Variants in PALLD observed in about 807,000 individuals in gnomAD.
The protein encoded by PALLD is palladin.
In PALLD, 61 loss-of-function variants were observed where a neutral mutation model predicts 123.5. That is an observed-to-expected ratio of 0.49 (90% CI 0.40 to 0.61). The LOEUF (loss-of-function observed/expected upper bound fraction) is 0.61, where lower values mean the gene tolerates loss of function less well. PALLD is among the 20% of genes least tolerant of loss of function. PALLD has a pLI of 0.00. For synonymous variants in PALLD, 465 were observed against 496.4 expected (o/e 0.94, Z 0.84); for missense variants, 1,273 against 1,377.0 (o/e 0.92, Z 1.20).
At chr4:168,513,854 C>A (rs75791552) in intron 2 of PALLD, among the ~76,000 whole-genome samples, 27,491 of 152,070 alleles carry the variant, frequency 0.18, 2,984 homozygotes, top group East Asian at 0.41. Flanking sequence ...CCTGTAATTC[C>A]AGCACTTTGG....
intron 2 of PALLD, among the ~76,000 whole-genome samples, chr4:168,605,672 T>C (rs1486280788): frequency 6.6e-6 from 1 of 152,206 alleles, no homozygotes; most frequent in Non-Finnish European, 1.5e-5. Context: ...GCTTGGTGCA[T>C]CTGCGGACCA....
chr4:168,639,608 A>G (rs1485863988), intron 2 of PALLD, among the ~76,000 whole-genome samples: 1 of 144,884 alleles, frequency 6.9e-6, no homozygotes, highest in Non-Finnish European at 1.5e-5. Context: ...CAGTGGTGTG[A>G]TCTTGGCTCA....
chr4:168,670,754 A>G (rs1780150989), intron 3 of PALLD, among the ~76,000 whole-genome samples: 1 of 99,714 alleles, frequency 1.0e-5, no homozygotes, highest in African/African-American at 5.4e-5. Flanking sequence ...AAACAAAAAA[A>G]ACAAAAAAAA....
At chr4:168,846,672 T>C (rs1746900388) in intron 10 of PALLD, among the ~76,000 whole-genome samples, 3 of 152,142 alleles carry the variant, frequency 2.0e-5, no homozygotes, top group African/African-American at 7.2e-5. Context: ...TACATGTAAA[T>C]CACAGTCTAC....
At chr4:168,628,330 C>T (rs1260113552) in intron 2 of PALLD, among the ~76,000 whole-genome samples, 1 of 152,196 alleles carries the variant, frequency 6.6e-6, no homozygotes, top group Non-Finnish European at 1.5e-5. Context: ...CGTGTCCGTC[C>T]TCTTCTCAAG....
In PALLD at chr4:168,605,825, A is replaced by G. The variant is rs989022429; in HGVS notation, c.909-62365A>G. 2.6e-5 allele frequency among the ~76,000 whole-genome samples: 4 copies of G among 152,392 alleles called. No individual in the cohort carries two copies. The East Asian group carries it at 7.7e-4, about 29-fold the overall frequency. ...GTAAGTAGTGTAAAAGATATTATAT[A>G]TTGAAGGAATTCTTGCCACCAGAAG... On this transcript the variant is annotated intron_variant, in intron 2 of 21. Transcript: ENST00000505667.
At chr4:168,921,783 AT>A in intron 18 of PALLD, 42 bp downstream of exon 18, 1 of 1,430,060 alleles carries the variant, frequency 7.0e-7, no homozygotes, top group Non-Finnish European at 9.9e-7. Context: ...CAGAATGAAC[AT>A]CAGACTTACA....
At chr4:168,614,337 G>A (rs1300498261) in intron 2 of PALLD, among the ~76,000 whole-genome samples, 1 of 152,182 alleles carries the variant, frequency 6.6e-6, no homozygotes, top group Admixed American at 6.5e-5. Context: ...GCTGCGCTAG[G>A]GAGACCCTTG....
At chr4:168,579,267 C>T (rs906964144) in intron 2 of PALLD, among the ~76,000 whole-genome samples, 1 of 152,074 alleles carries the variant, frequency 6.6e-6, no homozygotes, top group African/African-American at 2.4e-5. Context: ...TCATGTAATT[C>T]GGGTAAGAAT....
intron 10 of PALLD, among the ~76,000 whole-genome samples, chr4:168,743,066 T>G (rs539546862): frequency 6.6e-6 from 1 of 152,322 alleles, no homozygotes; most frequent in South Asian, 2.1e-4. Flanking sequence ...GATTGCCTTC[T>G]GTGTCCTCCC....
At chr4:168,649,209 A>T (rs1003195122) in intron 2 of PALLD, among the ~76,000 whole-genome samples, 2 of 152,216 alleles carry the variant, frequency 1.3e-5, no homozygotes, top group South Asian at 4.1e-4. Flanking sequence ...TTCACCTCCT[A>T]TCTGCAGCAA....
intron 10 of PALLD, among the ~76,000 whole-genome samples, chr4:168,820,010 G>C (rs1317508912): frequency 2.0e-5 from 3 of 152,198 alleles, no homozygotes; most frequent in Non-Finnish European, 2.9e-5. Flanking sequence ...TGCTGCCTTT[G>C]CCTTCTTGCC....
chr4:168,748,017 A>C (rs1730546520), intron 10 of PALLD, among the ~76,000 whole-genome samples: 1 of 152,214 alleles, frequency 6.6e-6, no homozygotes, highest in Non-Finnish European at 1.5e-5. Flanking sequence ...ATTTGTAATT[A>C]TTTCTTCAGA....
intron 18 of PALLD, among the ~76,000 whole-genome samples, 153 bp from the exon 19 acceptor site, chr4:168,924,101 GA>G (rs1762116580): frequency 6.6e-6 from 1 of 152,150 alleles, no homozygotes; most frequent in Admixed American, 6.5e-5. Flanking sequence ...CTTGGTAAAA[GA>G]ATAATTTGGA....
At chr4:168,853,172 G>A (rs1435641994) in intron 10 of PALLD, among the ~76,000 whole-genome samples, 1 of 152,210 alleles carries the variant, frequency 6.6e-6, no homozygotes, top group Non-Finnish European at 1.5e-5. Flanking sequence ...ATCTCACAGA[G>A]TAACTTTTTC....
intron 10 of PALLD, among the ~76,000 whole-genome samples, chr4:168,814,798 T>A (rs1271343048): frequency 2.6e-5 from 4 of 152,218 alleles, no homozygotes; most frequent in Admixed American, 2.6e-4. Context: ...TGAGACACAG[T>A]CTCGCTCTGT....
chr4:168,719,448 C>T (rs577940266), intron 10 of PALLD, among the ~76,000 whole-genome samples: 27 of 151,746 alleles, frequency 1.8e-4, no homozygotes, highest in Admixed American at 1.7e-3. Flanking sequence ...TTAGTAGAGA[C>T]GAGGTTTCAC....
At position 168,638,345 on chromosome 4, in the gene PALLD, G is replaced by A. The variant is rs185292381; in HGVS notation, c.909-29845G>A. On this transcript the variant is annotated intron_variant, in intron 2 of 21. Coordinates refer to ENST00000505667, the MANE Select transcript of PALLD (RefSeq NM_001166108.2). ...CAAAGCTGTGCTCTCAGACCTTCAG[G>A]GCTCTGAAGAACTGGGGCCCTGTCC... Among the ~76,000 whole-genome samples, 384 of 152,244 alleles carry A rather than the reference G, an allele frequency of 2.5e-3. 3 individuals are homozygous for A. Among genetic ancestry groups the A allele is most frequent in the Non-Finnish European group, 4.4e-3 (301 of 68,016 alleles).
At chr4:168,898,220 T>A in intron 13 of PALLD, 1 of 480,562 alleles carries the variant, frequency 2.1e-6, no homozygotes, top group East Asian at 3.9e-5. Context: ...TCCCCTTGTT[T>A]CCCCTCGCCT....
Sources: gnomAD v4.1 joint callset for allele counts (sites outside exome capture counted in the v4.1 genomes callset) on GRCh38, gnomAD v4.1.1 for gene constraint, MANE v1.5 for transcripts, NCBI Gene and HGNC (gene_info 2026-07-23, HGNC 2026-07-21) for gene names.